The following IFT25 variants were observed in gnomAD, a reference collection of about 807,000 sequenced individuals.
The protein encoded by IFT25 is intraflagellar transport protein 25 homolog.
chr1:53,916,892 AG>A, the IFT25 span: 3 of 390,440 alleles, frequency 7.7e-6, no homozygotes, highest in African/African-American at 2.1e-5. Context: ...CTGTAATCCC[AG>A]CACTTTGGGA....
At chr1:53,919,796 C>CTTTTT in the IFT25 span, among the ~76,000 whole-genome samples, 91 of 145,650 alleles carry the variant, frequency 6.2e-4, 1 homozygote, top group African/African-American at 2.0e-3. Flanking sequence ...AACTTTTTTC[C>CTTTTT]TTTTTTTTTT....
chr1:53,924,793 C>T, the IFT25 span, among the ~76,000 whole-genome samples: 21,315 of 152,082 alleles, frequency 0.14, 1,960 homozygotes, highest in East Asian at 0.32. Context: ...GCCGAGATCG[C>T]GCCACTGCAC....
the IFT25 span, among the ~76,000 whole-genome samples, chr1:53,927,626 G>C: frequency 6.6e-6 from 1 of 152,210 alleles, no homozygotes; most frequent in Admixed American, 6.5e-5. Context: ...TCTGTAAATA[G>C]ATGTTCAACT....
At chr1:53,938,400 G>A in the IFT25 span, among the ~76,000 whole-genome samples, 1 of 152,212 alleles carries the variant, frequency 6.6e-6, no homozygotes, top group South Asian at 2.1e-4. Flanking sequence ...AAAAAGTAAG[G>A]TAACAGAGGT....
At chr1:53,930,686 C>CTCTA in the IFT25 span, among the ~76,000 whole-genome samples, 5 of 152,146 alleles carry the variant, frequency 3.3e-5, no homozygotes, top group African/African-American at 1.2e-4. Context: ...CAGCCTCCAT[C>CTCTA]TCTACATTGG....
chr1:53,942,036 T>G, the IFT25 span, among the ~76,000 whole-genome samples: 1 of 152,224 alleles, frequency 6.6e-6, no homozygotes, highest in Non-Finnish European at 1.5e-5. Context: ...CTTCTATCCT[T>G]ATCCTACTCA....
At chr1:53,944,836 T>C in the IFT25 span, among the ~76,000 whole-genome samples, 8 of 152,144 alleles carry the variant, frequency 5.3e-5, no homozygotes, top group Non-Finnish European at 1.0e-4. Flanking sequence ...ACTGGTTTCG[T>C]CCCCAGTTCA....
At chr1:53,934,998 C>CA in the IFT25 span, among the ~76,000 whole-genome samples, 1 of 151,498 alleles carries the variant, frequency 6.6e-6, no homozygotes, top group Non-Finnish European at 1.5e-5. Context: ...GACTCTGTCT[C>CA]AAAAAAACAA....
the IFT25 span, among the ~76,000 whole-genome samples, chr1:53,919,788 CTT>C: frequency 1.4e-5 from 2 of 140,202 alleles, no homozygotes; most frequent in Admixed American, 6.8e-5. Context: ...AAATCAATAA[CTT>C]TTTTCCTTTT....
chr1:53,939,541 G>C, the IFT25 span: 1 of 155,662 alleles, frequency 6.4e-6, no homozygotes, highest in Non-Finnish European at 1.4e-5. Flanking sequence ...AAAAAGGGGA[G>C]AAGCAAAACA....
chr1:53,923,997 A>T, the IFT25 span: 1 of 1,151,224 alleles, frequency 8.7e-7, no homozygotes, highest in Non-Finnish European at 1.3e-6. Context: ...AAAATACATG[A>T]GAATAGCTAT....
the IFT25 span, chr1:53,930,128 CA>C: frequency 6.4e-7 from 1 of 1,552,188 alleles, no homozygotes; most frequent in African/African-American, 1.4e-5. Context: ...TGTGGTGGTC[CA>C]AAACGTTTCT....
chr1:53,924,923 G>A, the IFT25 span, among the ~76,000 whole-genome samples: 1 of 152,114 alleles, frequency 6.6e-6, no homozygotes, highest in African/African-American at 2.4e-5. Context: ...TAAAAGCCCC[G>A]TAGTATTAAA....
the IFT25 span, among the ~76,000 whole-genome samples, chr1:53,927,590 G>C: frequency 6.6e-6 from 1 of 152,176 alleles, no homozygotes; most frequent in South Asian, 2.1e-4. Context: ...TTGTAGGACG[G>C]AAGAAGGTAC....
the IFT25 span, among the ~76,000 whole-genome samples, chr1:53,911,624 T>C: frequency 2.0e-5 from 3 of 152,204 alleles, no homozygotes; most frequent in Non-Finnish European, 4.4e-5. Context: ...AAAGAGGAGA[T>C]GATTATCCCC....
At chr1:53,934,427 C>A in the IFT25 span, among the ~76,000 whole-genome samples, 1 of 152,120 alleles carries the variant, frequency 6.6e-6, no homozygotes, top group African/African-American at 2.4e-5. Flanking sequence ...TTCCTTCTAG[C>A]TATTTTAAAT....
the IFT25 span, chr1:53,946,075 C>T: frequency 2.6e-5 from 4 of 152,432 alleles, no homozygotes; most frequent in Non-Finnish European, 4.4e-5. Flanking sequence ...TCTCCGGCTC[C>T]CATTACTTCG....
the IFT25 span, chr1:53,923,664 TAAAAC>T: frequency 1.8e-5 from 7 of 384,424 alleles, no homozygotes; most frequent in Admixed American, 4.5e-5. Flanking sequence ...ATGAGAAAAA[TAAAAC>T]AAAAAATAAA....
the IFT25 span, among the ~76,000 whole-genome samples, chr1:53,927,878 G>T: frequency 6.6e-6 from 1 of 152,112 alleles, no homozygotes; most frequent in South Asian, 2.1e-4. Flanking sequence ...TTTGCTGGTT[G>T]TTAAATCTTT....
Sources: gnomAD v4.1 joint callset for allele counts (sites outside exome capture counted in the v4.1 genomes callset) on GRCh38, gnomAD v4.1.1 for gene constraint, MANE v1.5 for transcripts, NCBI Gene and HGNC (gene_info 2026-07-23, HGNC 2026-07-21) for gene names.